GRID1: variants seen among roughly 807,000 people sequenced by gnomAD.
GRID1 encodes glutamate ionotropic receptor delta type subunit 1, also known as glutamate receptor ionotropic, delta-1.
GRID1 carries 28 observed loss-of-function variants against 98.0 expected under a neutral mutation model. That is an observed-to-expected ratio of 0.29 (90% confidence interval 0.21 to 0.39). The LOEUF (loss-of-function observed/expected upper bound fraction) is 0.39, where lower values mean the gene tolerates loss of function less well. Among genes scored for constraint, GRID1 ranks in the 10% least tolerant of loss-of-function variants. The pLI, the probability that GRID1 is intolerant of heterozygous loss-of-function variation, is 1.00. For synonymous variants in GRID1, 553 were observed against 538.5 expected, an observed-to-expected ratio of 1.03 and a Z score of -0.37; for missense variants, 1,111 against 1,340.5, an observed-to-expected ratio of 0.83 and a Z score of 2.67.
intron 8 of GRID1, among the ~76,000 whole-genome samples, chr10:85,763,054 C>A (rs770445303): frequency 6.6e-6 from 1 of 152,176 alleles, no homozygotes; most frequent in Non-Finnish European, 1.5e-5. Flanking sequence ...CAGGCAAAGT[C>A]CTCCTGTGGT....
At chr10:85,831,024 G>T (rs1178587930) in intron 8 of GRID1, among the ~76,000 whole-genome samples, 4 of 152,014 alleles carry the variant, frequency 2.6e-5, no homozygotes, top group Admixed American at 6.6e-5. Context: ...GTTCACTGCT[G>T]AACTATTTAC....
chr10:85,626,065 A>G (rs1372521547), intron 13 of GRID1, among the ~76,000 whole-genome samples: 2 of 152,234 alleles, frequency 1.3e-5, no homozygotes, highest in Non-Finnish European at 2.9e-5. Context: ...CAGAAATGCT[A>G]TCTGAAAGGA....
Position 85,602,554 on chromosome 10 carries a change from T to C in GRID1, c.2749A>G (p.Thr917Ala). ...AGCTGGGTGTTCTGGTACTCCCGTG[T>C]CGGCTCCAAGGTCTGGGTGGGAGCC... ...GLAPTQTLEP[T>A]REYQNTQLSV... is the part of the protein sequence containing the mutation. Residue 917 changes from threonine (T) to alanine (A), a missense_variant, in exon 16 of 16, where the codon ACA becomes GCA. Transcript: ENST00000327946. 6.2e-7 allele frequency: 1 copy of C among 1,613,866 alleles called. No homozygotes were observed. Among genetic ancestry groups the C allele is most frequent in the Non-Finnish European group, 8.5e-7 (1 of 1,179,980 alleles).
intron 2 of GRID1, among the ~76,000 whole-genome samples, chr10:86,264,070 G>C (rs1847064925): frequency 1.3e-5 from 2 of 152,226 alleles, no homozygotes; most frequent in African/African-American, 4.8e-5. Context: ...ATGAGCTCCT[G>C]GGATGTTCAT....
At chr10:86,207,895 G>T (rs1032702830) in intron 2 of GRID1, among the ~76,000 whole-genome samples, 12 of 152,156 alleles carry the variant, frequency 7.9e-5, no homozygotes, top group Admixed American at 7.2e-4. Flanking sequence ...CTCCCAAAGT[G>T]CTGGGATTAC....
At chr10:86,109,383 G>GC (rs1196973194) in intron 4 of GRID1, among the ~76,000 whole-genome samples, 2 of 152,230 alleles carry the variant, frequency 1.3e-5, no homozygotes, top group Admixed American at 1.3e-4. Flanking sequence ...CAGGTCTTGA[G>GC]CCCCCAACAC....
intron 4 of GRID1, among the ~76,000 whole-genome samples, chr10:86,059,719 G>T (rs1843623546): frequency 6.6e-6 from 1 of 152,206 alleles, no homozygotes; most frequent in Non-Finnish European, 1.5e-5. Context: ...CGTTAAAAGA[G>T]AAGGCAAAGA....
At chr10:86,083,656 T>C (rs970541891) in intron 4 of GRID1, among the ~76,000 whole-genome samples, 1 of 152,212 alleles carries the variant, frequency 6.6e-6, no homozygotes, top group African/African-American at 2.4e-5. Flanking sequence ...GGGTCTGTCA[T>C]TAAATCACAA....
In GRID1 at chr10:86,337,698, C is replaced by CTTTTTTT. The variant is rs57891044; in HGVS notation, c.235+26236_235+26242dup. Among the ~76,000 whole-genome samples, 8 of 73,338 alleles carry CTTTTTTT rather than the reference C, an allele frequency of 1.1e-4. 1 individual carries two copies. The highest frequency in any genetic ancestry group is 3.5e-4 in the African/African-American group (6 of 17,192). 48.1% of individuals were successfully genotyped at this position (73,338 alleles called of 152,430 possible). On this transcript the variant is annotated intron_variant, in intron 2 of 15. Coordinates refer to ENST00000327946, the MANE Select transcript of GRID1 (RefSeq NM_017551.3). ...ACAGCCTTTCTCTTCCCTTTGGGAA[C>CTTTTTTT]TTTTTTTTTTTTTTTTTTTTTTTTT... is the stretch of plus-strand genomic sequence containing the variant.
chr10:85,858,375 G>T (rs1270043926), intron 6 of GRID1, among the ~76,000 whole-genome samples: 1 of 152,128 alleles, frequency 6.6e-6, no homozygotes, highest in African/African-American at 2.4e-5. Flanking sequence ...GGAAAACTAA[G>T]TACCACCACC....
chr10:85,895,615 C>CA (rs1841281671), intron 5 of GRID1, among the ~76,000 whole-genome samples: 1 of 152,168 alleles, frequency 6.6e-6, no homozygotes, highest in African/African-American at 2.4e-5. Context: ...ACATCTCTCC[C>CA]AGTACTGTGT....
At chr10:86,159,526 G>A (rs569092148) in intron 3 of GRID1, among the ~76,000 whole-genome samples, 1 of 151,858 alleles carries the variant, frequency 6.6e-6, no homozygotes, top group African/African-American at 2.4e-5. Flanking sequence ...TAGGTGTATA[G>A]GTGGCTGTAC....
intron 4 of GRID1, among the ~76,000 whole-genome samples, chr10:85,959,232 G>C (rs892231599): frequency 2.0e-5 from 3 of 152,130 alleles, no homozygotes; most frequent in Admixed American, 2.0e-4. Context: ...TACTGATTCT[G>C]CTTCTCTGGA....
chr10:86,349,135 T>C (rs1226206627), intron 2 of GRID1, among the ~76,000 whole-genome samples: 1 of 152,210 alleles, frequency 6.6e-6, no homozygotes, highest in Non-Finnish European at 1.5e-5. Flanking sequence ...TCAGGCTCAC[T>C]GCCCTAGACC....
At chr10:85,605,334 T>C (rs940535736) in intron 15 of GRID1, 1 of 152,204 alleles carries the variant, frequency 6.6e-6, no homozygotes, top group African/African-American at 2.4e-5. Context: ...GCTGAAGTAG[T>C]TGAGAAAGAA....
At chr10:85,831,070 A>G (rs1842863307) in intron 8 of GRID1, among the ~76,000 whole-genome samples, 1 of 152,176 alleles carries the variant, frequency 6.6e-6, no homozygotes, top group African/African-American at 2.4e-5. Context: ...ATGCCCATCA[A>G]TGGTAAACTG....
Position 85,817,234 on chromosome 10 carries a change from G to A in GRID1, c.1233+37262C>T, listed in dbSNP as rs114097665. ...GTATATATCCAGTAATGGGATTGCC[G>A]GGTCGAATGGTAATTCTGTTTTAAG... On this transcript the variant is annotated intron_variant, in intron 8 of 15. Coordinates refer to ENST00000327946, the MANE Select transcript of GRID1 (RefSeq NM_017551.3). 7.2e-3 allele frequency among the ~76,000 whole-genome samples: 1,097 copies of A among 152,206 alleles called. 16 individuals carry two copies. The highest frequency in any genetic ancestry group is 0.025 in the African/African-American group (1,024 of 41,540).
chr10:85,884,668 A>G (rs1202290620), intron 5 of GRID1, among the ~76,000 whole-genome samples: 1 of 152,166 alleles, frequency 6.6e-6, no homozygotes, highest in East Asian at 1.9e-4. Context: ...CATAAATCCT[A>G]TTTCATCAGT....
intron 8 of GRID1, 124 bp downstream of exon 8, chr10:85,854,372 G>T: frequency 1.2e-6 from 1 of 850,312 alleles, no homozygotes; most frequent in Non-Finnish European, 1.9e-6. Context: ...TCAGCAGAGA[G>T]AGACTAGGAG....
Sources: gnomAD v4.1 joint callset for allele counts (sites outside exome capture counted in the v4.1 genomes callset) on GRCh38, gnomAD v4.1.1 for gene constraint, MANE v1.5 for transcripts, NCBI Gene and HGNC (gene_info 2026-07-23, HGNC 2026-07-21) for gene names.